PGS1: variants seen among roughly 807,000 people sequenced by gnomAD.
PGS1 encodes the protein phosphatidylglycerophosphate synthase 1, also known as CDP-diacylglycerol--glycerol-3-phosphate 3-phosphatidyltransferase, mitochondrial.
A neutral mutation model predicts 58.3 loss-of-function variants in PGS1; 44 were observed. The ratio of observed to expected loss-of-function variants is 0.75; its 90% CI spans 0.59 to 0.97. PGS1 has a LOEUF of 0.97. PGS1 is among the 50% of genes least tolerant of loss of function. The pLI, the probability that PGS1 is intolerant of heterozygous loss-of-function variation, is 0.00. For synonymous variants in PGS1, 330 were observed against 311.0 expected, an observed-to-expected ratio of 1.06 and a Z score of -0.64; for missense variants, 684 against 731.1, an observed-to-expected ratio of 0.94 and a Z score of 0.74.
In PGS1 at chr17:78,392,460, A is replaced by G. The variant is rs2082901616; in HGVS notation, c.144-16A>G. ...GGTATTTGAGGTGTGACCCAGTTGC[A>G]TATTTCTTTAACCAGGTCACCATGG... On this transcript the variant is annotated splice_polypyrimidine_tract_variant and intron_variant, in intron 1 of 9. Transcript: ENST00000262764. 3.1e-6 allele frequency: 5 copies of G among 1,593,318 alleles called. No homozygotes were observed. Among genetic ancestry groups the G allele is most frequent in the Non-Finnish European group, 4.3e-6 (5 of 1,168,310 alleles).
rs138483070 is a variant in PGS1 at position 78,418,806 on chromosome 17, C to T, written c.1552-740C>T. On this transcript the variant is annotated intron_variant, in intron 8 of 9. Coordinates refer to ENST00000262764, the MANE Select transcript of PGS1 (RefSeq NM_024419.5). ...CGTTCATCAGTGTGGGGGATAATGA[C>T]ATCACAGATGTCATTGGCACAAATT... is the stretch of plus-strand genomic sequence containing the variant. Among the ~76,000 whole-genome samples, 46 of 152,184 alleles carry T rather than the reference C, an allele frequency of 3.0e-4. No individual in the cohort carries two copies. In the East Asian group the frequency reaches 8.7e-3, roughly 29 times the overall value.
intron 9 of PGS1, chr17:78,420,053 C>T (rs970068681): frequency 3.1e-5 from 34 of 1,083,592 alleles, no homozygotes; most frequent in Middle Eastern, 4.4e-4. Flanking sequence ...CACACTGGTG[C>T]AGGAGATGTA....
chr17:78,397,589 A>ACT (rs1555631826), intron 3 of PGS1, among the ~76,000 whole-genome samples: 1 of 129,674 alleles, frequency 7.7e-6, no homozygotes, highest in African/African-American at 2.6e-5. Context: ...GGCATGCGCC[A>ACT]CCCCCCCAGC....
At chr17:78,414,358 T>G (rs2084988779) in intron 7 of PGS1, among the ~76,000 whole-genome samples, 1 of 152,190 alleles carries the variant, frequency 6.6e-6, no homozygotes, top group African/African-American at 2.4e-5. Context: ...TGTTGCGCGC[T>G]GAGGTGGCTG....
intron 1 of PGS1, among the ~76,000 whole-genome samples, chr17:78,390,323 G>C (rs1035829768): frequency 3.5e-5 from 3 of 84,554 alleles, no homozygotes; most frequent in African/African-American, 1.5e-4. Context: ...TAGAGACGGG[G>C]GTGGGGGAGG....
chr17:78,419,994 G>A (rs2085557324), intron 9 of PGS1: 1 of 1,160,752 alleles, frequency 8.6e-7, no homozygotes, highest in African/African-American at 1.6e-5. Flanking sequence ...TGGGGCAAGG[G>A]CTCAGGGATG....
chr17:78,399,139 C>T (rs80076523), intron 4 of PGS1: 1 of 585,462 alleles, frequency 1.7e-6, no homozygotes, highest in Non-Finnish European at 3.0e-6. Flanking sequence ...CAGGCGTCTG[C>T]CACGCTGAGG....
At chr17:78,422,768 G>GCTGCTGCAGC (rs1433682972) in intron 9 of PGS1, among the ~76,000 whole-genome samples, 1 of 152,138 alleles carries the variant, frequency 6.6e-6, no homozygotes, top group Non-Finnish European at 1.5e-5. Flanking sequence ...AGAGGCGTGA[G>GCTGCTGCAGC]CTGCTGCAGC....
At chr17:78,407,085 G>A (rs535431985) in intron 7 of PGS1, among the ~76,000 whole-genome samples, 137 of 152,166 alleles carry the variant, frequency 9.0e-4, no homozygotes, top group Non-Finnish European at 1.7e-3. Context: ...TCGGGGCGGG[G>A]GGTGCCCTGC....
chr17:78,394,706 C>G (rs946699075), intron 2 of PGS1, among the ~76,000 whole-genome samples: 4 of 152,076 alleles, frequency 2.6e-5, no homozygotes, highest in Non-Finnish European at 5.9e-5. Flanking sequence ...CAGGCATGCA[C>G]CACCATGCCT....
intron 1 of PGS1, among the ~76,000 whole-genome samples, chr17:78,390,742 C>G (rs1012595594): frequency 4.6e-5 from 7 of 152,290 alleles, no homozygotes; most frequent in African/African-American, 1.7e-4. Flanking sequence ...ACCCCCATCT[C>G]CCGCAGGTTT....
At chr17:78,412,919 G>T (rs1471173561) in intron 7 of PGS1, among the ~76,000 whole-genome samples, 1 of 151,306 alleles carries the variant, frequency 6.6e-6, no homozygotes, top group Non-Finnish European at 1.5e-5. Context: ...CTTGCACCTT[G>T]TCTTGCCAGC....
chr17:78,418,782 G>A (rs372362817), intron 8 of PGS1, among the ~76,000 whole-genome samples: 3 of 152,218 alleles, frequency 2.0e-5, no homozygotes, highest in Admixed American at 1.3e-4. Context: ...AGCACTAAGC[G>A]TTCATCAGTG....
intron 7 of PGS1, among the ~76,000 whole-genome samples, chr17:78,410,344 G>T (rs1042815558): frequency 6.6e-6 from 1 of 150,416 alleles, no homozygotes; most frequent in Non-Finnish European, 1.5e-5. Flanking sequence ...TGGGAGAATC[G>T]CTTGAACCCA....
intron 3 of PGS1, chr17:78,397,950 G>C (rs188911609): frequency 2.1e-6 from 1 of 485,364 alleles, no homozygotes; most frequent in Non-Finnish European, 3.9e-6. Flanking sequence ...ATGTACGTGA[G>C]ACCTGGTGTC....
Position 78,398,096 on chromosome 17 carries a change from A to G in PGS1, c.412-156A>G, listed in dbSNP as rs149197337. On this transcript the variant is annotated intron_variant, in intron 3 of 9. Coordinates refer to ENST00000262764, the MANE Select transcript of PGS1 (RefSeq NM_024419.5). ...GATGATCATGAAGGTGCTCTCAGAC[A>G]GATAGCTTTTGTGGTGTTGGTGTCC... 1,534 of 725,752 alleles carry G rather than the reference A, an allele frequency of 2.1e-3. 20 individuals carry two copies. The highest frequency in any genetic ancestry group is 0.013 in the East Asian group (489 of 38,892). 45.0% of individuals were successfully genotyped at this position (725,752 alleles called of 1,614,324 possible).
intron 8 of PGS1, among the ~76,000 whole-genome samples, chr17:78,418,025 G>A (rs1304033232): frequency 6.7e-6 from 1 of 149,866 alleles, no homozygotes; most frequent in African/African-American, 2.5e-5. Flanking sequence ...TGCCTCCCGG[G>A]TTCAAGCGAT....
intron 8 of PGS1, among the ~76,000 whole-genome samples, chr17:78,417,798 G>A (rs1219455628): frequency 1.3e-5 from 2 of 151,872 alleles, no homozygotes; most frequent in South Asian, 2.1e-4. Flanking sequence ...GGCTAGAGTC[G>A]CGGTGCAACT....
In PGS1 at chr17:78,400,748, T is replaced by C. The variant is rs1207319767; in HGVS notation, c.773T>C (p.Ile258Thr). The C allele has an allele frequency of 3.7e-6, 6 of 1,613,948 alleles. No homozygotes were observed. Among genetic ancestry groups the C allele is most frequent in the Non-Finnish European group, 5.1e-6 (6 of 1,179,964 alleles). ...GTGTTCCTGCAGGACTGTGCGGAGATTGCCGACTTCTTCACGGAGCTGGTG... is the reference window on the plus strand; with the variant it reads ...GTGTTCCTGCAGGACTGTGCGGAGACTGCCGACTTCTTCACGGAGCTGGTG... ...RYVFLQDCAE[I>T]ADFFTELVDA... Residue 258 changes from isoleucine to threonine, a missense_variant, in exon 6 of 10, where the codon ATT becomes ACT. Physicochemically the swap from Ile to Thr is moderately conservative, Grantham distance 89. Coordinates refer to ENST00000262764, the MANE Select transcript of PGS1 (RefSeq NM_024419.5). This position sits in a 1 kb window ranked among gnomAD's most constrained non-coding sequence, Gnocchi z 4.4.
Sources: allele counts gnomAD v4.1 joint callset (sites outside exome capture counted in the v4.1 genomes callset), GRCh38; gene constraint gnomAD v4.1.1; non-coding constraint Gnocchi (gnomAD v3.1); transcripts MANE v1.5; gene names NCBI Gene and HGNC (gene_info 2026-07-23, HGNC 2026-07-21).